The following HSD17B4 variants were observed in gnomAD, a reference collection of about 807,000 sequenced individuals.
HSD17B4 encodes the protein hydroxysteroid 17-beta dehydrogenase 4, also known as peroxisomal multifunctional enzyme type 2.
In HSD17B4, 70 loss-of-function variants were observed where a neutral mutation model predicts 101.0. That is an observed-to-expected ratio of 0.69 (90% CI 0.57 to 0.85). HSD17B4 has a LOEUF of 0.85. Ranked by LOEUF, HSD17B4 falls within the 40% of genes least tolerant of loss-of-function variation. HSD17B4 has a pLI of 0.00. For synonymous variants in HSD17B4, 347 were observed against 297.1 expected (o/e 1.17, Z -1.73); for missense variants, 984 against 892.4 (o/e 1.10, Z -1.31).
intron 2 of HSD17B4, chr5:119,471,486 C>T (rs978924512): frequency 3.8e-5 from 15 of 391,984 alleles, no homozygotes; most frequent in South Asian, 1.1e-4. Flanking sequence ...TATCCAATTC[C>T]ACTTTCAACT....
At chr5:119,488,820 G>A (rs1456829337) in intron 8 of HSD17B4, among the ~76,000 whole-genome samples, 1 of 152,100 alleles carries the variant, frequency 6.6e-6, no homozygotes, top group Non-Finnish European at 1.5e-5. Flanking sequence ...TTTCTAGATT[G>A]TTGTTAATAG....
chr5:119,520,150 C>T (rs992869612), intron 17 of HSD17B4, among the ~76,000 whole-genome samples: 1 of 146,684 alleles, frequency 6.8e-6, no homozygotes, highest in African/African-American at 2.6e-5. Context: ...ATAACTACTA[C>T]CTGTTTTTTT....
intron 8 of HSD17B4, among the ~76,000 whole-genome samples, chr5:119,486,198 C>G (rs1749596415): frequency 6.6e-6 from 1 of 152,138 alleles, no homozygotes; most frequent in African/African-American, 2.4e-5. Flanking sequence ...GCTGCAGTGT[C>G]TTTTATAACT....
intron 14 of HSD17B4, among the ~76,000 whole-genome samples, chr5:119,505,181 T>A (rs2126801073): frequency 8.0e-6 from 1 of 125,170 alleles, no homozygotes; most frequent in Non-Finnish European, 1.7e-5. Flanking sequence ...AATATGATAC[T>A]TCCAGCTTTG....
At chr5:119,530,122 A>C (rs952228393) in intron 21 of HSD17B4, 142 bp downstream of exon 21, 3 of 686,834 alleles carry the variant, frequency 4.4e-6, no homozygotes, top group Non-Finnish European at 7.9e-6. Context: ...CATTAATTCA[A>C]AACAGCTTGG....
At chr5:119,507,151 C>T (rs911961354) in intron 15 of HSD17B4, among the ~76,000 whole-genome samples, 3 of 152,138 alleles carry the variant, frequency 2.0e-5, no homozygotes, top group Admixed American at 1.3e-4. Context: ...ATAAATGTGG[C>T]TTGTATTGAT....
chr5:119,527,186 G>A lies in HSD17B4; in HGVS notation c.1734G>A (p.Trp578Ter). The change falls in exon 20 of 24, where the codon TGG becomes TGA. Residue 578 changes from tryptophan to a stop codon, truncating the protein, a stop_gained. Transcript: ENST00000510025. LOFTEE classifies it high-confidence loss of function. The stretch of plus-strand genomic sequence containing the variant: ...GACAAACTCTACAAACTGAGATGTG[G>A]AAGGAAGGAAACAGAATTCATTTTC... ...YPGQTLQTEM[W>*]KEGNRIHFQT... 6.2e-7 allele frequency: 1 copy of A among 1,609,318 alleles called. No homozygotes were observed. Among genetic ancestry groups the A allele is most frequent in the Non-Finnish European group, 8.5e-7 (1 of 1,176,200 alleles).
intron 2 of HSD17B4, among the ~76,000 whole-genome samples, chr5:119,456,948 G>A (rs1754739556): frequency 6.6e-6 from 1 of 152,174 alleles, no homozygotes; most frequent in African/African-American, 2.4e-5. Flanking sequence ...GGAATCTAAA[G>A]TATGGGTTTC....
At chr5:119,487,952 T>A (rs2126735536) in intron 8 of HSD17B4, among the ~76,000 whole-genome samples, 1 of 152,282 alleles carries the variant, frequency 6.6e-6, no homozygotes, top group East Asian at 1.9e-4. Context: ...GCTTGTGTAC[T>A]TTTGAGAGCT....
intron 15 of HSD17B4, 29 bp downstream of exon 15, chr5:119,506,918 A>T: frequency 8.9e-7 from 1 of 1,128,554 alleles, no homozygotes; most frequent in African/African-American, 1.5e-5. Context: ...TTATAATAAT[A>T]TTGTTAGATT....
At chr5:119,533,923 G>A (rs1754330102) in intron 22 of HSD17B4, among the ~76,000 whole-genome samples, 1 of 151,984 alleles carries the variant, frequency 6.6e-6, no homozygotes, top group Non-Finnish European at 1.5e-5. Context: ...TTGGCCCACA[G>A]GTTTTAAATA....
At chr5:119,509,271 A>C (rs752237428) in intron 16 of HSD17B4, 27 bp downstream of exon 16, 1 of 1,261,586 alleles carries the variant, frequency 7.9e-7, no homozygotes, top group East Asian at 2.3e-5. Flanking sequence ...TAAGCAAAAT[A>C]TATGTGTAGT....
At chr5:119,525,710 TTTG>T (rs1409929104) in intron 18 of HSD17B4, 1 of 574,536 alleles carries the variant, frequency 1.7e-6, no homozygotes, top group Non-Finnish European at 3.1e-6. Context: ...CTTTTCCTGT[TTTG>T]TTTTTTTTTT....
chr5:119,494,275 A>G (rs1246356621), intron 11 of HSD17B4, among the ~76,000 whole-genome samples: 2 of 151,864 alleles, frequency 1.3e-5, no homozygotes, highest in Non-Finnish European at 2.9e-5. Context: ...TTACCTACCT[A>G]TATGCTCCCA....
chr5:119,527,145 A>C lies in HSD17B4; in HGVS notation c.1693A>C (p.Lys565Gln). The change falls in exon 20 of 24, where the codon AAA becomes CAA. Residue 565 changes from lysine (K) to glutamine (Q), a missense_variant. Physicochemically the swap from Lys to Gln is moderately conservative, Grantham distance 53. Coordinates refer to ENST00000510025, the MANE Select transcript of HSD17B4 (RefSeq NM_000414.4). Reference sequence around the variant, plus strand: ...TTCTTTTTTAAAGGCTCGTTTTGCAAAACCAGTATATCCAGGACAAACTCT... The same window carrying C: ...TTCTTTTTTAAAGGCTCGTTTTGCACAACCAGTATATCCAGGACAAACTCT... ...RFKAIKARFAKPVYPGQTLQT... is the reference protein window; with the variant it reads ...RFKAIKARFAQPVYPGQTLQT... 6.2e-7 allele frequency: 1 copy of C among 1,600,920 alleles called. No individual in the cohort carries two copies. The highest frequency in any genetic ancestry group is 8.6e-7 in the Non-Finnish European group (1 of 1,168,556).
chr5:119,513,949 AT>A (rs1436801615), intron 16 of HSD17B4, among the ~76,000 whole-genome samples: 10 of 152,172 alleles, frequency 6.6e-5, no homozygotes, highest in Non-Finnish European at 1.3e-4. Context: ...TTTATTTTTA[AT>A]CAGGCAGCCC....
At position 119,473,314 on chromosome 5, in the gene HSD17B4, C is replaced by CTT. The variant is rs767536359; in HGVS notation, c.113-575_113-574dup. ...TTTTTTTTACTTTTCTTCCCTGCTC[C>CTT]TTTTTTTTTTTTTTTTTTTTCCTGG... On this transcript the variant is annotated intron_variant, in intron 2 of 23. Transcript: ENST00000510025. Among the ~76,000 whole-genome samples the CTT allele has an allele frequency of 6.2e-3, 361 of 58,412 alleles. 8 individuals carry two copies. Among genetic ancestry groups the CTT allele is most frequent in the African/African-American group, 0.022 (332 of 15,244 alleles). 38.3% of individuals were successfully genotyped at this position (58,412 alleles called of 152,430 possible). A position where few individuals can be genotyped will look rare whatever the true frequency, so the allele number is the denominator to read the frequency against.
chr5:119,511,615 A>G (rs1752175703), intron 16 of HSD17B4, among the ~76,000 whole-genome samples: 1 of 152,200 alleles, frequency 6.6e-6, no homozygotes, highest in Non-Finnish European at 1.5e-5. Flanking sequence ...GAGACAGTCA[A>G]AGAGAGCCTG....
intron 11 of HSD17B4, among the ~76,000 whole-genome samples, chr5:119,495,974 A>G (rs1485490392): frequency 6.6e-6 from 1 of 152,182 alleles, no homozygotes; most frequent in African/African-American, 2.4e-5. Context: ...ATGCCCCATG[A>G]GCCTCCTTTA....
Sources: gnomAD v4.1 joint callset for allele counts (sites outside exome capture counted in the v4.1 genomes callset) on GRCh38, gnomAD v4.1.1 for gene constraint, MANE v1.5 for transcripts, NCBI Gene and HGNC (gene_info 2026-07-23, HGNC 2026-07-21) for gene names.